TRAPPC9: variants seen among roughly 807,000 people sequenced by gnomAD.
TRAPPC9 encodes trafficking protein particle complex subunit 9, also known as IKK2 binding protein.
In TRAPPC9, 83 loss-of-function variants were observed where a neutral mutation model predicts 124.0. The observed-to-expected ratio is 0.67, with a 90% confidence interval of 0.56 to 0.80. The LOEUF (loss-of-function observed/expected upper bound fraction) is 0.80. Ranked by LOEUF, TRAPPC9 falls within the 30% of genes least tolerant of loss-of-function variation. The pLI is 0.00. For missense variants in TRAPPC9, 1,302 were observed against 1,508.3 expected, an observed-to-expected ratio of 0.86 and a Z score of 2.27; for synonymous variants, 638 against 617.5, an observed-to-expected ratio of 1.03 and a Z score of -0.49.
At chr8:139,947,265 C>T (rs1834288905) in intron 19 of TRAPPC9, among the ~76,000 whole-genome samples, 1 of 152,120 alleles carries the variant, frequency 6.6e-6, no homozygotes, top group Non-Finnish European at 1.5e-5. Context: ...GAGGGATTCC[C>T]ACCATTTTCA....
At chr8:139,856,018 C>T (rs373139303) in intron 21 of TRAPPC9, among the ~76,000 whole-genome samples, 70 of 152,248 alleles carry the variant, frequency 4.6e-4, no homozygotes, top group African/African-American at 1.6e-3. Context: ...TCCCCAACTC[C>T]GAGTCCCAGG....
chr8:139,919,092 C>T (rs1310345068), intron 19 of TRAPPC9, among the ~76,000 whole-genome samples: 1 of 152,250 alleles, frequency 6.6e-6, no homozygotes, highest in South Asian at 2.1e-4. Flanking sequence ...CTGCTCTCGA[C>T]TCCCCGAGGC....
At chr8:139,892,711 C>T (rs1430868828) in intron 20 of TRAPPC9, among the ~76,000 whole-genome samples, 1 of 152,210 alleles carries the variant, frequency 6.6e-6, no homozygotes, top group Non-Finnish European at 1.5e-5. Flanking sequence ...ACCACTCTGG[C>T]TTTCCTCCGC....
chr8:139,815,106 G>A (rs1305172436), intron 21 of TRAPPC9, among the ~76,000 whole-genome samples: 1 of 152,222 alleles, frequency 6.6e-6, no homozygotes, highest in African/African-American at 2.4e-5. Context: ...AAGTCCTGCA[G>A]TGGACAGTCT....
intron 19 of TRAPPC9, among the ~76,000 whole-genome samples, chr8:139,938,662 G>A (rs1038891209): frequency 2.0e-5 from 3 of 149,532 alleles, no homozygotes; most frequent in East Asian, 2.0e-4. Context: ...TTTTTGAGAC[G>A]GAGTCTCGCT....
chr8:139,986,578 T>C (rs1837250754), intron 19 of TRAPPC9, among the ~76,000 whole-genome samples: 1 of 152,238 alleles, frequency 6.6e-6, no homozygotes, highest in Non-Finnish European at 1.5e-5. Flanking sequence ...CCTAATGTGT[T>C]CATCTGCCCA....
intron 21 of TRAPPC9, among the ~76,000 whole-genome samples, chr8:139,756,763 G>A (rs1586777014): frequency 1.5e-5 from 2 of 133,218 alleles, no homozygotes. Flanking sequence ...AGGACAGCAG[G>A]TCGCAGGAGG....
At chr8:139,955,379 C>CA (rs1039868057) in intron 19 of TRAPPC9, among the ~76,000 whole-genome samples, 1 of 152,014 alleles carries the variant, frequency 6.6e-6, no homozygotes, top group African/African-American at 2.4e-5. Flanking sequence ...GCACACACTG[C>CA]AAAAAAACCC....
At chr8:140,447,476 AAAAAAG>A (rs1168525273) in intron 2 of TRAPPC9, among the ~76,000 whole-genome samples, 1 of 152,172 alleles carries the variant, frequency 6.6e-6, no homozygotes, top group Non-Finnish European at 1.5e-5. Flanking sequence ...GTATGACAGA[AAAAAAG>A]AAAAAGAAAA....
rs541314930 is a variant in TRAPPC9 at position 140,434,019 on chromosome 8, G to A, written c.859+1093C>T. On this transcript the variant is annotated intron_variant, in intron 4 of 22. Coordinates refer to ENST00000438773, the MANE Select transcript of TRAPPC9 (RefSeq NM_001160372.4). ...TTCATTTGCATAGAAGCATAACTTT[G>A]TAACTTCACCTTAGCCTCTGAGTGG... is the stretch of plus-strand genomic sequence containing the variant. Among the ~76,000 whole-genome samples, 19 of 152,314 alleles carry A rather than the reference G, an allele frequency of 1.2e-4. No homozygotes were observed. The South Asian group carries it at 3.7e-3, about 30-fold the overall frequency.
intron 17 of TRAPPC9, among the ~76,000 whole-genome samples, chr8:140,190,246 A>G (rs1245408234): frequency 6.6e-6 from 1 of 152,112 alleles, no homozygotes; most frequent in East Asian, 1.9e-4. Context: ...ACTTGAGGTC[A>G]GGAGTTCGAG....
At chr8:139,993,472 G>A (rs1279127424) in intron 18 of TRAPPC9, among the ~76,000 whole-genome samples, 1 of 152,188 alleles carries the variant, frequency 6.6e-6, no homozygotes, top group Non-Finnish European at 1.5e-5. Context: ...TGCTGGTAGG[G>A]ATACAAATTG....
chr8:139,925,289 C>A (rs2131356126), intron 19 of TRAPPC9, among the ~76,000 whole-genome samples: 1 of 152,352 alleles, frequency 6.6e-6, no homozygotes, highest in South Asian at 2.1e-4. Context: ...TATCGCCTTT[C>A]TGCCCAGGAA....
intron 21 of TRAPPC9, among the ~76,000 whole-genome samples, chr8:139,754,303 A>T (rs1381351677): frequency 6.6e-6 from 1 of 152,230 alleles, no homozygotes; most frequent in African/African-American, 2.4e-5. Context: ...CACAATTAAC[A>T]GCAGACATCA....
At position 140,317,576 on chromosome 8, in the gene TRAPPC9, G is replaced by C. The variant is rs934164901; in HGVS notation, c.1496-6202C>G. Among the ~76,000 whole-genome samples, 13 of 152,264 alleles carry C rather than the reference G, an allele frequency of 8.5e-5. No homozygotes were observed. In the East Asian group the frequency reaches 2.5e-3, roughly 29 times the overall value. On this transcript the variant is annotated intron_variant, in intron 9 of 22. Coordinates refer to ENST00000438773, the MANE Select transcript of TRAPPC9 (RefSeq NM_001160372.4). ...CATGGTCTCTGAAGGGCTTTACAAA[G>C]GACAGGACAACTTACAAAGTTTTCA...
intron 19 of TRAPPC9, among the ~76,000 whole-genome samples, chr8:139,965,288 CCTCT>C (rs1179114134): frequency 6.6e-6 from 1 of 152,138 alleles, no homozygotes; most frequent in Non-Finnish European, 1.5e-5. Context: ...TGAAATGTGC[CCTCT>C]ATAACTTGCA....
intron 18 of TRAPPC9, among the ~76,000 whole-genome samples, chr8:140,004,445 T>A (rs1471433768): frequency 6.6e-6 from 1 of 152,214 alleles, no homozygotes; most frequent in African/African-American, 2.4e-5. Flanking sequence ...CCAATACTGG[T>A]CTTGTTGCTT....
At position 140,049,595 on chromosome 8, in the gene TRAPPC9, T is replaced by C. The variant is rs6981189; in HGVS notation, c.2557-25516A>G. On this transcript the variant is annotated intron_variant, in intron 17 of 22. Transcript: ENST00000438773. ...TTTCCCTGGCAACCAGGGAAGTGAA[T>C]AGAAGGTTATGTATCCCTCCCATTT... 5.4e-3 allele frequency among the ~76,000 whole-genome samples: 811 copies of C among 149,606 alleles called. 7 individuals are homozygous for C. The highest frequency in any genetic ancestry group is 0.019 in the African/African-American group (764 of 40,390).
At chr8:139,766,340 C>A (rs1820584488) in intron 21 of TRAPPC9, among the ~76,000 whole-genome samples, 1 of 152,170 alleles carries the variant, frequency 6.6e-6, no homozygotes. Context: ...GGCTCCACAC[C>A]CCTGTGGCCC....
Sources: allele counts gnomAD v4.1 joint callset (sites outside exome capture counted in the v4.1 genomes callset), GRCh38; gene constraint gnomAD v4.1.1; transcripts MANE v1.5; gene names NCBI Gene and HGNC (gene_info 2026-07-23, HGNC 2026-07-21).